The following DGKB variants were observed in gnomAD, a reference collection of about 807,000 sequenced individuals.
The protein encoded by DGKB is diacylglycerol kinase beta.
Under a neutral mutation model 114.3 loss-of-function variants are expected in DGKB, and 67 were observed. That is an observed-to-expected ratio of 0.59 (90% confidence interval 0.48 to 0.72). The LOEUF (loss-of-function observed/expected upper bound fraction) is 0.72, where lower values mean the gene tolerates loss of function less well. DGKB is among the 30% of genes least tolerant of loss of function. DGKB has a pLI of 0.00. For missense variants in DGKB, 907 were observed against 975.2 expected (o/e 0.93, Z 0.93); for synonymous variants, 398 against 323.1 (o/e 1.23, Z -2.49).
intron 23 of DGKB, among the ~76,000 whole-genome samples, chr7:14,196,345 A>G (rs1247116614): frequency 2.6e-5 from 4 of 152,136 alleles, no homozygotes; most frequent in Non-Finnish European, 5.9e-5. Flanking sequence ...TCTTTTTTAA[A>G]GCTTATAAAC....
chr7:14,539,748 C>G (rs1446949945), intron 20 of DGKB, among the ~76,000 whole-genome samples: 2 of 152,066 alleles, frequency 1.3e-5, no homozygotes, highest in African/African-American at 4.8e-5. Context: ...CTTTGCTCAC[C>G]TTCACATTGT....
chr7:14,277,302 C>G (rs1799170406), intron 23 of DGKB, among the ~76,000 whole-genome samples: 1 of 152,056 alleles, frequency 6.6e-6, no homozygotes, highest in Non-Finnish European at 1.5e-5. Context: ...TCCCAAGTAG[C>G]TGGAATTACA....
At chr7:14,834,392 G>A (rs1217977301) in intron 2 of DGKB, among the ~76,000 whole-genome samples, 2 of 152,124 alleles carry the variant, frequency 1.3e-5, no homozygotes, top group East Asian at 3.9e-4. Context: ...AAATAGCTCA[G>A]TTCTCCCCTG....
chr7:14,470,953 T>C (rs913410782), intron 21 of DGKB, among the ~76,000 whole-genome samples: 3 of 151,380 alleles, frequency 2.0e-5, no homozygotes, highest in Admixed American at 1.3e-4. Context: ...TATTTGGCTT[T>C]GATATAGCAT....
chr7:14,855,265 G>A (rs1168004919), intron 1 of DGKB, among the ~76,000 whole-genome samples: 1 of 152,182 alleles, frequency 6.6e-6, no homozygotes, highest in Non-Finnish European at 1.5e-5. Flanking sequence ...TCCAGGGAGA[G>A]CCTAAATCAC....
intron 23 of DGKB, among the ~76,000 whole-genome samples, chr7:14,333,828 T>C (rs1180857306): frequency 6.6e-6 from 1 of 152,234 alleles, no homozygotes; most frequent in African/African-American, 2.4e-5. Flanking sequence ...AACAAATTCA[T>C]GACATAATGA....
At chr7:14,607,157 C>CGTGTGTGTGT (rs71004316) in intron 17 of DGKB, among the ~76,000 whole-genome samples, 92 of 148,330 alleles carry the variant, frequency 6.2e-4, no homozygotes, top group Middle Eastern at 3.5e-3. Context: ...GCTAGTTTGT[C>CGTGTGTGTGT]GTGTGTGTGT....
intron 1 of DGKB, among the ~76,000 whole-genome samples, chr7:14,960,892 GGTAAAT>G (rs1786804944): frequency 6.6e-6 from 1 of 151,956 alleles, no homozygotes; most frequent in Admixed American, 6.6e-5. Flanking sequence ...ATAAGCCATT[GGTAAAT>G]GTTTTATTAC....
intron 13 of DGKB, among the ~76,000 whole-genome samples, chr7:14,635,536 G>C (rs980230810): frequency 1.3e-5 from 2 of 151,420 alleles, no homozygotes; most frequent in African/African-American, 4.8e-5. Flanking sequence ...AATCGAGGAG[G>C]AGAAAGAGGG....
intron 2 of DGKB, among the ~76,000 whole-genome samples, chr7:14,792,715 A>G (rs1396210694): frequency 7.3e-6 from 1 of 136,594 alleles, no homozygotes; most frequent in Non-Finnish European, 1.5e-5. Context: ...TAATATAGTT[A>G]CACTTCATCT....
At position 14,472,517 on chromosome 7, in the gene DGKB, C is replaced by T. The variant is rs146788697; in HGVS notation, c.1835+5644G>A. ...TTAATGTCTATCAGCAGCATGAAAA[C>T]GGACTAATGCAATAAATTGGTACCA... On this transcript the variant is annotated intron_variant, in intron 21 of 25. Coordinates refer to ENST00000402815, the MANE Select transcript of DGKB (RefSeq NM_001350709.2). Among the ~76,000 whole-genome samples, 95 of 152,220 alleles carry T rather than the reference C, an allele frequency of 6.2e-4. 1 individual carries two copies. In the East Asian group the frequency reaches 0.013, roughly 21 times the overall value.
intron 6 of DGKB, among the ~76,000 whole-genome samples, chr7:14,718,335 T>G (rs751051025): frequency 2.0e-5 from 3 of 152,146 alleles, no homozygotes; most frequent in Non-Finnish European, 4.4e-5. Flanking sequence ...CAGTAGTAAA[T>G]GGAACTTGAT....
At chr7:14,359,955 C>G (rs1172426053) in intron 21 of DGKB, among the ~76,000 whole-genome samples, 9 of 152,090 alleles carry the variant, frequency 5.9e-5, no homozygotes. Context: ...GCAGCGATCC[C>G]ATTACTAGAT....
intron 23 of DGKB, among the ~76,000 whole-genome samples, chr7:14,244,283 G>A (rs1028137560): frequency 5.3e-5 from 8 of 152,228 alleles, no homozygotes; most frequent in African/African-American, 1.9e-4. Context: ...AGAGCCTTTA[G>A]CTCAATGACA....
chr7:14,624,166 AG>A (rs1808157326), intron 14 of DGKB, among the ~76,000 whole-genome samples: 1 of 152,180 alleles, frequency 6.6e-6, no homozygotes, highest in African/African-American at 2.4e-5. Context: ...AAAATTTAAA[AG>A]TTCAACGCTT....
intron 23 of DGKB, among the ~76,000 whole-genome samples, chr7:14,207,214 T>C (rs1474770745): frequency 2.0e-5 from 3 of 152,118 alleles, no homozygotes; most frequent in African/African-American, 7.2e-5. Context: ...CATCAACATA[T>C]GATCCGATAG....
intron 6 of DGKB, among the ~76,000 whole-genome samples, chr7:14,706,236 TA>T: frequency 6.9e-6 from 1 of 144,968 alleles, no homozygotes; most frequent in Admixed American, 6.9e-5. Context: ...TACATAATGG[TA>T]AAGGGATCAA....
chr7:14,798,928 T>C (rs1841779827), intron 2 of DGKB, among the ~76,000 whole-genome samples: 1 of 152,078 alleles, frequency 6.6e-6, no homozygotes, highest in South Asian at 2.1e-4. Flanking sequence ...TCTAGGAAAA[T>C]AGTAAATCAA....
intron 23 of DGKB, among the ~76,000 whole-genome samples, chr7:14,310,948 G>T (rs1805289276): frequency 6.6e-6 from 1 of 152,044 alleles, no homozygotes; most frequent in South Asian, 2.1e-4. Context: ...GGGGAACACA[G>T]TGAGACCTCG....
Sources: allele counts gnomAD v4.1 joint callset (sites outside exome capture counted in the v4.1 genomes callset), GRCh38; gene constraint gnomAD v4.1.1; transcripts MANE v1.5; gene names NCBI Gene and HGNC (gene_info 2026-07-23, HGNC 2026-07-21).